BRWD1: variants seen among roughly 807,000 people sequenced by gnomAD.
BRWD1 encodes bromodomain and WD repeat domain containing 1.
A neutral mutation model predicts 251.2 loss-of-function variants in BRWD1; 82 were observed. The ratio of observed to expected loss-of-function variants is 0.33; its 90% CI spans 0.27 to 0.39. BRWD1 has a LOEUF of 0.39. Among genes scored for constraint, BRWD1 ranks in the 10% least tolerant of loss-of-function variants. BRWD1 has a pLI of 1.00. For synonymous variants in BRWD1, 918 were observed against 902.8 expected (o/e 1.02, Z -0.30); for missense variants, 2,233 against 2,711.6 (o/e 0.82, Z 3.92).
In BRWD1 at chr21:39,299,149, G is replaced by A. The variant is rs190366789; in HGVS notation, c.199-567C>T. Among the ~76,000 whole-genome samples the A allele has an allele frequency of 3.3e-3, 505 of 152,220 alleles. 1 individual carries two copies. The highest frequency in any genetic ancestry group is 5.3e-3 in the Non-Finnish European group (362 of 68,012). On this transcript the variant is annotated intron_variant, in intron 4 of 40. Transcript: ENST00000342449. Reference sequence around the variant, plus strand: ...GAGGCAGGAGAATCACTTGAACCCAGGAGGTGGAGGTTGCAGTGAGCTGGG... The same window carrying A: ...GAGGCAGGAGAATCACTTGAACCCAAGAGGTGGAGGTTGCAGTGAGCTGGG...
At chr21:39,231,612 AACT>A (rs2146551154) in intron 25 of BRWD1, among the ~76,000 whole-genome samples, 2 of 152,256 alleles carry the variant, frequency 1.3e-5, no homozygotes, top group South Asian at 2.1e-4. Flanking sequence ...TTTCAGTTTC[AACT>A]ACTATTAACA....
intron 39 of BRWD1, 111 bp from the exon 40 acceptor site, chr21:39,199,773 G>T: frequency 9.0e-7 from 1 of 1,105,878 alleles, no homozygotes; most frequent in East Asian, 2.6e-5. Context: ...GGGAGGAGAC[G>T]GAGTTTCGCT....
Position 39,210,689 on chromosome 21 carries a change from G to T in BRWD1, c.4044+97C>A, listed in dbSNP as rs1356910208. 2.2e-6 allele frequency: 3 copies of T among 1,391,522 alleles called. No homozygotes were observed. In the East Asian group the frequency reaches 7.3e-5, roughly 34 times the overall value. The allele number at this position is 1,391,522 out of a possible 1,614,324, so 86.2% of individuals were successfully genotyped here. A position where few individuals can be genotyped will look rare whatever the true frequency, so the allele number is the denominator to read the frequency against. On this transcript the variant is annotated intron_variant, in intron 35 of 40. Coordinates refer to ENST00000342449, the MANE Select transcript of BRWD1 (RefSeq NM_033656.4). ...ATAGGAGCAAAAAAGTTAACATAAA[G>T]CCTGGGTATCTTTCTCTTTAAAGTT...
At position 39,191,691 on chromosome 21, in the gene BRWD1, G is replaced by T; in HGVS notation, c.*4568C>A. The T allele has an allele frequency of 3.0e-6, 3 of 985,058 alleles. No individual in the cohort carries two copies. The highest frequency in any genetic ancestry group is 3.6e-6 in the Non-Finnish European group (3 of 829,768). 61.0% of individuals were successfully genotyped at this position (985,058 alleles called of 1,614,324 possible). A position where few individuals can be genotyped will look rare whatever the true frequency, so the allele number is the denominator to read the frequency against. On this transcript the variant is annotated 3_prime_UTR_variant, in exon 41 of 41. Coordinates refer to ENST00000342449, the MANE Select transcript of BRWD1 (RefSeq NM_033656.4). ...TAACTTTTACCCACTGATCAAAAAA[G>T]GTAATTTTTAAAATGATTTACCTTG...
intron 36 of BRWD1, among the ~76,000 whole-genome samples, chr21:39,207,353 C>T (rs1255358477): frequency 6.6e-6 from 1 of 151,206 alleles, no homozygotes; most frequent in East Asian, 1.9e-4. Context: ...GCAAATTGCT[C>T]AGGAGTTGGA....
At position 39,255,846 on chromosome 21, in the gene BRWD1, G is replaced by A. The variant is rs1003516704; in HGVS notation, c.2072-18C>T. On this transcript the variant is annotated intron_variant, in intron 18 of 40. Coordinates refer to ENST00000342449, the MANE Select transcript of BRWD1 (RefSeq NM_033656.4). Reference sequence around the variant, plus strand: ...TCTAAAACCTAGGAAAATATGATGGGGAAGTGATTCCAATACACTTTTAAA... The same window carrying A: ...TCTAAAACCTAGGAAAATATGATGGAGAAGTGATTCCAATACACTTTTAAA... 1.2e-6 allele frequency: 2 copies of A among 1,607,958 alleles called. No homozygotes were observed. The highest frequency in any genetic ancestry group is 1.7e-6 in the Non-Finnish European group (2 of 1,174,702).
In BRWD1 at chr21:39,199,606, A is replaced by T; in HGVS notation, c.4810T>A (p.Leu1604Ile). ...AATGAATTGTTATCAGAATCACTTA[A>T]ATAGACTCTCTTTCGAGTGGCTTTT... ...GRKATRKRVYLSDSDNNSLET... is the reference protein window; with the variant it reads ...GRKATRKRVYISDSDNNSLET... The change falls in exon 40 of 41, where the codon TTA becomes ATA. Residue 1604 changes from leucine to isoleucine, a missense_variant. This residue lies in a region of BRWD1 where 928 missense variants were observed against 970.0 expected (regional missense o/e 0.96). Transcript: ENST00000342449. The T allele has an allele frequency of 1.9e-6, 3 of 1,613,702 alleles. No homozygotes were observed. Among genetic ancestry groups the T allele is most frequent in the Non-Finnish European group, 2.5e-6 (3 of 1,179,928 alleles).
At chr21:39,313,863 G>C (rs1037604161), upstream of BRWD1, 10 of 340,264 alleles carry the variant, frequency 2.9e-5, no homozygotes, top group East Asian at 4.0e-4. Context: ...CGCGTGGTCC[G>C]AATCCCTGCG....
intron 4 of BRWD1, among the ~76,000 whole-genome samples, chr21:39,304,704 T>C (rs577064195): frequency 3.3e-5 from 5 of 151,846 alleles, no homozygotes; most frequent in South Asian, 2.1e-4. Flanking sequence ...ACTTTAAACA[T>C]GTGAACACAA....
chr21:39,313,192 G>A (rs1219815194), intron 2 of BRWD1, 49 bp downstream of exon 2: 3 of 1,511,150 alleles, frequency 2.0e-6, no homozygotes, highest in South Asian at 2.5e-5. Flanking sequence ...CCCGGCGGCG[G>A]GGACACTGGG....
At chr21:39,240,785 A>T (rs180865106) in intron 21 of BRWD1, among the ~76,000 whole-genome samples, 14 of 152,370 alleles carry the variant, frequency 9.2e-5, no homozygotes. Flanking sequence ...TATAAGAAGG[A>T]TAAATAACTT....
chr21:39,233,894 C>CCTA (rs1258911891), intron 23 of BRWD1, among the ~76,000 whole-genome samples: 1 of 152,128 alleles, frequency 6.6e-6, no homozygotes, highest in East Asian at 1.9e-4. Flanking sequence ...GTGGTGTGTG[C>CCTA]CTGTAGTCCC....
Position 39,192,769 on chromosome 21 carries a change from G to C in BRWD1, c.*3490C>G. ...AGTGGAAAGGAAAACAAAAAAGATCGTAAGCACCTTTAACAATGTTCTTGC... is the reference window on the plus strand; with the variant it reads ...AGTGGAAAGGAAAACAAAAAAGATCCTAAGCACCTTTAACAATGTTCTTGC... On this transcript the variant is annotated 3_prime_UTR_variant, in exon 41 of 41. Coordinates refer to ENST00000342449, the MANE Select transcript of BRWD1 (RefSeq NM_033656.4). 1.1e-5 allele frequency: 11 copies of C among 985,058 alleles called. No individual in the cohort carries two copies. Among genetic ancestry groups the C allele is most frequent in the African/African-American group, 1.7e-5 (1 of 57,304 alleles). The allele number at this position is 985,058 out of a possible 1,614,324, so 61.0% of individuals were successfully genotyped here. A position where few individuals can be genotyped will look rare whatever the true frequency, so the allele number is the denominator to read the frequency against.
intron 4 of BRWD1, among the ~76,000 whole-genome samples, chr21:39,311,901 A>G (rs1196540641): frequency 6.6e-6 from 1 of 152,012 alleles, no homozygotes; most frequent in Non-Finnish European, 1.5e-5. Context: ...TTGCCACCAT[A>G]CTCTACCACT....
intron 22 of BRWD1, among the ~76,000 whole-genome samples, chr21:39,238,043 C>A (rs184319509): frequency 1.3e-5 from 2 of 152,026 alleles, no homozygotes; most frequent in Non-Finnish European, 1.5e-5. Context: ...GATTAAGGTC[C>A]AGTTTTCTGG....
At chr21:39,320,740 G>A (rs1019767072) in intron 1 of BRWD1, among the ~76,000 whole-genome samples, 8 of 145,360 alleles carry the variant, frequency 5.5e-5, no homozygotes, top group Admixed American at 1.4e-4. Flanking sequence ...GCATGATCTC[G>A]GCTCACTACA....
chr21:39,272,194 G>C (rs1405818203), intron 13 of BRWD1, among the ~76,000 whole-genome samples: 5 of 151,430 alleles, frequency 3.3e-5, no homozygotes, highest in African/African-American at 4.9e-5. Flanking sequence ...CAGATCTTTG[G>C]GAGGGCGACG....
chr21:39,189,703 CAG>C lies in BRWD1; in HGVS notation c.*6554_*6555del. 5.1e-6 allele frequency: 5 copies of C among 981,978 alleles called. No homozygotes were observed. The highest frequency in any genetic ancestry group is 6.0e-6 in the Non-Finnish European group (5 of 826,880). The allele number at this position is 981,978 out of a possible 1,614,324, so 60.8% of individuals were successfully genotyped here. A position where few individuals can be genotyped will look rare whatever the true frequency, so the allele number is the denominator to read the frequency against. ...AGAATTTTTTTAAATACATTCAAGT[CAG>C]TGTTAATTTTATTACTGAAAACTGA... On this transcript the variant is annotated 3_prime_UTR_variant, in exon 41 of 41. Transcript: ENST00000342449.
chr21:39,285,550 T>C (rs1271629452), intron 8 of BRWD1, among the ~76,000 whole-genome samples: 2 of 152,182 alleles, frequency 1.3e-5, no homozygotes, highest in Non-Finnish European at 2.9e-5. Flanking sequence ...CCTTATACAA[T>C]GCATATATGC....
Sources: gnomAD v4.1 joint callset for allele counts (sites outside exome capture counted in the v4.1 genomes callset) on GRCh38, gnomAD v4.1.1 for gene constraint, gnomAD v4.1.1 regional missense constraint, MANE v1.5 for transcripts, NCBI Gene and HGNC (gene_info 2026-07-23, HGNC 2026-07-21) for gene names.